The following ADAMTS9 variants were observed in gnomAD, a reference collection of about 807,000 sequenced individuals.
ADAMTS9 encodes the protein ADAM metallopeptidase with thrombospondin type 1 motif 9, also known as A disintegrin and metalloproteinase with thrombospondin motifs 9.
In ADAMTS9, 107 loss-of-function variants were observed where a neutral mutation model predicts 257.1. The ratio of observed to expected loss-of-function variants is 0.42; its 90% CI spans 0.36 to 0.49. The LOEUF (loss-of-function observed/expected upper bound fraction) is 0.49. Among genes scored for constraint, ADAMTS9 ranks in the 20% least tolerant of loss-of-function variants. ADAMTS9 has a pLI of 0.03. For synonymous variants in ADAMTS9, 982 were observed against 880.9 expected (o/e 1.11, Z -2.03); for missense variants, 2,353 against 2,469.1 (o/e 0.95, Z 1.00).
intron 4 of ADAMTS9, chr3:64,656,117 A>G (rs1295467783): frequency 5.1e-6 from 2 of 394,658 alleles, no homozygotes; most frequent in Non-Finnish European, 9.3e-6. Flanking sequence ...TTGCATTGCC[A>G]CGTGACTTAA....
Position 64,686,046 on chromosome 3 carries a change from A to C in ADAMTS9, c.516+522T>G, listed in dbSNP as rs548280357. On this transcript the variant is annotated intron_variant, in intron 2 of 39. Coordinates refer to ENST00000498707, the MANE Select transcript of ADAMTS9 (RefSeq NM_182920.2). This position sits in a 1 kb window ranked among gnomAD's most constrained non-coding sequence, Gnocchi z 4.6. Reference sequence around the variant, plus strand: ...TCAGCCTCAGGGTTCCTGGCGCGTGAATAAAGGCCCTGAGAGAAAGCGGGG... The same window carrying C: ...TCAGCCTCAGGGTTCCTGGCGCGTGCATAAAGGCCCTGAGAGAAAGCGGGG... Among the ~76,000 whole-genome samples, 4 of 152,296 alleles carry C rather than the reference A, an allele frequency of 2.6e-5. No homozygotes were observed. The highest frequency in any genetic ancestry group is 2.6e-4 in the Admixed American group (4 of 15,310).
rs2083116589 is a variant in ADAMTS9 at position 64,541,170 on chromosome 3, G to A, written c.5446C>T (p.Arg1816Trp). Residue 1816 changes from arginine (R) to tryptophan (W), a missense_variant, in exon 36 of 40, where the codon CGG (arginine) becomes TGG (tryptophan). Physicochemically the swap from Arg to Trp is moderately radical, Grantham distance 101 (BLOSUM62 -3). Transcript: ENST00000498707. ...NGSRRDDCQC[R>W]KDYTAAGFSS... ...AACCCAGCGGCCGTGTAATCCTTCC[G>A]ACATTGGCAGTCATCGCGCCGGCTC... The A allele has an allele frequency of 5.0e-6, 8 of 1,614,144 alleles. No homozygotes were observed. Among genetic ancestry groups the A allele is most frequent in the South Asian group, 1.1e-5 (1 of 91,068 alleles).
chr3:64,686,432 T>C lies in ADAMTS9; in HGVS notation c.516+136A>G. 1.6e-6 allele frequency: 2 copies of C among 1,261,024 alleles called. No individual in the cohort carries two copies. The highest frequency in any genetic ancestry group is 1.6e-5 in the South Asian group (1 of 63,434). The allele number at this position is 1,261,024 out of a possible 1,614,324, so 78.1% of individuals were successfully genotyped here. On this transcript the variant is annotated intron_variant, in intron 2 of 39. Coordinates refer to ENST00000498707, the MANE Select transcript of ADAMTS9 (RefSeq NM_182920.2). This position sits in a 1 kb window ranked among gnomAD's most constrained non-coding sequence, Gnocchi z 4.6. ...GAGCTAGCTACCCAAACCATACGAGTTTCTAGCTGATATTTAACGCCGGAG... is the reference window on the plus strand; with the variant it reads ...GAGCTAGCTACCCAAACCATACGAGCTTCTAGCTGATATTTAACGCCGGAG...
intron 8 of ADAMTS9, among the ~76,000 whole-genome samples, chr3:64,652,321 A>G (rs1007000419): frequency 6.6e-6 from 1 of 152,224 alleles, no homozygotes; most frequent in Non-Finnish European, 1.5e-5. Flanking sequence ...ATACTTGCCA[A>G]TAGAGACAGA....
At chr3:64,623,500 G>A (rs920987592) in intron 16 of ADAMTS9, among the ~76,000 whole-genome samples, 2 of 152,140 alleles carry the variant, frequency 1.3e-5, no homozygotes, top group Non-Finnish European at 2.9e-5. Context: ...AACCTCATGA[G>A]AGACTTCAAG....
At chr3:64,671,034 C>A (rs1317028525) in intron 3 of ADAMTS9, among the ~76,000 whole-genome samples, 1 of 152,134 alleles carries the variant, frequency 6.6e-6, no homozygotes, top group Non-Finnish European at 1.5e-5. Flanking sequence ...TAATCTTATG[C>A]CTAGGTATTT....
intron 2 of ADAMTS9, among the ~76,000 whole-genome samples, chr3:64,683,600 C>G (rs1351214732): frequency 6.6e-6 from 1 of 152,124 alleles, no homozygotes; most frequent in Non-Finnish European, 1.5e-5. Context: ...ATGTAAACTA[C>G]TTACAGTAGT....
intron 12 of ADAMTS9, among the ~76,000 whole-genome samples, chr3:64,639,933 C>A (rs1394975612): frequency 6.6e-6 from 1 of 152,102 alleles, no homozygotes; most frequent in Non-Finnish European, 1.5e-5. Flanking sequence ...ATGACACACA[C>A]TGAATTACTT....
chr3:64,620,016 GTT>G (rs548526900), intron 19 of ADAMTS9, among the ~76,000 whole-genome samples: 1 of 143,464 alleles, frequency 7.0e-6, no homozygotes. Context: ...ATGTCTTCCT[GTT>G]TTTTTTTTTT....
Position 64,603,955 on chromosome 3 carries a change from G to A in ADAMTS9, c.3714C>T (p.Pro1238=), listed in dbSNP as rs763702737. 6.2e-7 allele frequency: 1 copy of A among 1,613,958 alleles called. No homozygotes were observed. The highest frequency in any genetic ancestry group is 2.2e-5 in the East Asian group (1 of 44,840). Residue 1238 remains proline (P), a synonymous_variant, in exon 25 of 40, where the codon CCC becomes CCT. Transcript: ENST00000498707. ...PVAKEECSVT[P]CGQWKALDWS... ...AGTCCAAGGCCTTCCATTGCCCACA[G>A]GGTGTCACAGAACATTCTTCCTTTG...
chr3:64,579,403 T>A (rs2083936125), intron 28 of ADAMTS9, among the ~76,000 whole-genome samples: 3 of 152,192 alleles, frequency 2.0e-5, no homozygotes, highest in Admixed American at 6.5e-5. Flanking sequence ...TTAATCTAAT[T>A]CTCACCTACT....
intron 3 of ADAMTS9, among the ~76,000 whole-genome samples, chr3:64,675,957 C>T (rs1701615361): frequency 6.6e-6 from 1 of 152,122 alleles, no homozygotes; most frequent in South Asian, 2.1e-4. Flanking sequence ...GCCTTTATAA[C>T]TGCAGCCTGG....
rs1382712431 is a variant in ADAMTS9, at chr3:64,636,114, C to CT, written c.1857-2236dup. Among the ~76,000 whole-genome samples the CT allele has an allele frequency of 1.1e-4, 17 of 152,080 alleles. No homozygotes were observed. The East Asian group carries it at 3.3e-3, about 29-fold the overall frequency. On this transcript the variant is annotated intron_variant, in intron 12 of 39. Transcript: ENST00000498707. ...TTTTTTGTTCTCTTATATGACACGT[C>CT]TTAGCTGATTCTTGAAATTTATCAA...
intron 30 of ADAMTS9, among the ~76,000 whole-genome samples, chr3:64,557,638 T>C (rs556435896): frequency 6.6e-6 from 1 of 152,260 alleles, no homozygotes; most frequent in South Asian, 2.1e-4. Context: ...TACTTTGGGA[T>C]GGCCTAAAAT....
rs145085964 is a variant in ADAMTS9, at chr3:64,553,007, G to A, written c.4699-1945C>T. The stretch of plus-strand genomic sequence containing the variant: ...TTGGAACTCAGCTTCACTCAGAAAT[G>A]TCTTCTATGATATGCCCTATGTCTT... On this transcript the variant is annotated intron_variant, in intron 30 of 39. Transcript: ENST00000498707. 2.8e-4 allele frequency among the ~76,000 whole-genome samples: 42 copies of A among 151,578 alleles called. No homozygotes were observed. The East Asian group carries it at 6.0e-3, about 22-fold the overall frequency.
At chr3:64,517,416 G>GTTTTTTTTGTTTTTTT (rs1553698668) in intron 39 of ADAMTS9, among the ~76,000 whole-genome samples, 2 of 52,670 alleles carry the variant, frequency 3.8e-5, no homozygotes, top group East Asian at 6.9e-4. Flanking sequence ...ATTAAAAATG[G>GTTTTTTTTGTTTTTTT]TTTTTTTTTT....
chr3:64,652,999 C>T (rs1283639200), intron 8 of ADAMTS9, among the ~76,000 whole-genome samples: 1 of 152,098 alleles, frequency 6.6e-6, no homozygotes, highest in East Asian at 1.9e-4. Context: ...AACATAAATT[C>T]CTTGCTTAAA....
intron 19 of ADAMTS9, among the ~76,000 whole-genome samples, chr3:64,620,151 G>C (rs956525105): frequency 6.6e-6 from 1 of 152,042 alleles, no homozygotes; most frequent in Non-Finnish European, 1.5e-5. Flanking sequence ...CCTTCAGTCA[G>C]AACTGGCAAA....
intron 37 of ADAMTS9, among the ~76,000 whole-genome samples, chr3:64,534,095 C>G (rs1449960927): frequency 6.6e-6 from 1 of 152,214 alleles, no homozygotes; most frequent in African/African-American, 2.4e-5. Context: ...AAATATTCCA[C>G]ATGAACACTC....
Sources: allele counts gnomAD v4.1 joint callset (sites outside exome capture counted in the v4.1 genomes callset), GRCh38; gene constraint gnomAD v4.1.1; non-coding constraint Gnocchi (gnomAD v3.1); transcripts MANE v1.5; gene names NCBI Gene and HGNC (gene_info 2026-07-23, HGNC 2026-07-21).